Variants in CHST1 observed in about 807,000 individuals in gnomAD.
CHST1 encodes Keratan sulfotransferase.
CHST1 carries 10 observed loss-of-function variants against 22.5 expected under a neutral mutation model. The observed-to-expected ratio is 0.44, with a 90% CI of 0.27 to 0.75. The LOEUF is 0.75. Ranked by LOEUF, CHST1 falls within the 30% of genes least tolerant of loss-of-function variation. CHST1 has a pLI of 0.15. For missense variants in CHST1, 439 were observed against 576.1 expected (o/e 0.76, Z 2.44); for synonymous variants, 267 against 264.5 (o/e 1.01, Z -0.09).
At chr11:45,662,689 A>G (rs572280459) in intron 1 of CHST1, among the ~76,000 whole-genome samples, 5 of 152,322 alleles carry the variant, frequency 3.3e-5, no homozygotes, top group East Asian at 3.9e-4. Context: ...GACCTTCACA[A>G]CAATGCTATC....
At position 45,650,496 on chromosome 11, in the gene CHST1, G is replaced by C; in HGVS notation, c.428C>G (p.Pro143Arg). ...GATCCTGTCGGTGGTGTGGTTGACC[G>C]GCGGCGGCTTGATGTAGTTCTCCAG... ...YFLENYIKPP[P>R]VNHTTDRIFR... Residue 143 changes from proline to arginine, a missense_variant, in exon 4 of 4, where the codon CCG becomes CGG. Pro to Arg is a moderately radical substitution (Grantham distance 103). Coordinates refer to ENST00000308064, the MANE Select transcript of CHST1 (RefSeq NM_003654.6). 1.9e-6 allele frequency: 3 copies of C among 1,613,676 alleles called. No homozygotes were observed. Among genetic ancestry groups the C allele is most frequent in the South Asian group, 1.1e-5 (1 of 91,080 alleles).
intron 1 of CHST1, among the ~76,000 whole-genome samples, chr11:45,662,181 C>T (rs1852141397): frequency 2.6e-5 from 4 of 152,194 alleles, no homozygotes; most frequent in Admixed American, 6.5e-5. Flanking sequence ...GGGACAGTGG[C>T]CTGCCCCACC....
Position 45,650,928 on chromosome 11 carries a change from G to A in CHST1, c.-5C>T. The A allele has an allele frequency of 2.0e-6, 3 of 1,526,414 alleles. No individual in the cohort carries two copies. Among genetic ancestry groups the A allele is most frequent in the Non-Finnish European group, 2.6e-6 (3 of 1,137,942 alleles). The allele number at this position is 1,526,414 out of a possible 1,614,324, so 94.6% of individuals were successfully genotyped here. A position where few individuals can be genotyped will look rare whatever the true frequency, so the allele number is the denominator to read the frequency against. On this transcript the variant is annotated 5_prime_UTR_variant, in exon 4 of 4. Transcript: ENST00000308064. ...GGCCTTCCAGGAACATTGCATGGCT[G>A]GGCACCTTCATGGGGCTGCTTCTCC... is the stretch of plus-strand genomic sequence containing the variant.
At chr11:45,662,622 G>C (rs1441776557) in intron 1 of CHST1, among the ~76,000 whole-genome samples, 1 of 152,204 alleles carries the variant, frequency 6.6e-6, no homozygotes, top group African/African-American at 2.4e-5. Context: ...TAGGAATGAT[G>C]CTTTGGAACA....
intron 1 of CHST1, among the ~76,000 whole-genome samples, chr11:45,664,878 TC>T (rs1852178082): frequency 6.6e-6 from 1 of 152,108 alleles, no homozygotes; most frequent in Non-Finnish European, 1.5e-5. Context: ...CTGAGTGCGC[TC>T]CGCAGCGGAG....
At chr11:45,656,979 C>T (rs1852070634) in intron 1 of CHST1, among the ~76,000 whole-genome samples, 1 of 152,144 alleles carries the variant, frequency 6.6e-6, no homozygotes, top group Non-Finnish European at 1.5e-5. Flanking sequence ...CCCTAAAAAA[C>T]TACTGTGAAG....
chr11:45,654,617 T>C (rs1035577298), intron 1 of CHST1, among the ~76,000 whole-genome samples: 3 of 152,216 alleles, frequency 2.0e-5, no homozygotes, highest in African/African-American at 7.2e-5. Context: ...AATGCCCTCA[T>C]CCTCCAAGCC....
At chr11:45,656,442 G>A (rs927462421) in intron 1 of CHST1, among the ~76,000 whole-genome samples, 6 of 152,212 alleles carry the variant, frequency 3.9e-5, no homozygotes, top group Non-Finnish European at 5.9e-5. Context: ...CACCTTTTCA[G>A]ATTTGTTTAA....
At chr11:45,661,972 C>T (rs942889422) in intron 1 of CHST1, among the ~76,000 whole-genome samples, 1 of 152,222 alleles carries the variant, frequency 6.6e-6, no homozygotes, top group Non-Finnish European at 1.5e-5. Flanking sequence ...AACAGATCAG[C>T]AGCTGCTCAG....
At chr11:45,653,751 C>G (rs1852027827) in intron 1 of CHST1, among the ~76,000 whole-genome samples, 2 of 152,178 alleles carry the variant, frequency 1.3e-5, no homozygotes, top group Non-Finnish European at 2.9e-5. Context: ...AGGCACTGTT[C>G]TAGATGCTAT....
Position 45,648,689 on chromosome 11 carries a change from T to TCAAAA in CHST1, c.*994_*998dup, listed in dbSNP as rs1234475252. Among the ~76,000 whole-genome samples the TCAAAA allele has an allele frequency of 1.6e-4, 25 of 152,102 alleles. No individual in the cohort carries two copies. Among genetic ancestry groups the TCAAAA allele is most frequent in the African/African-American group, 3.6e-4 (15 of 41,486 alleles). On this transcript the variant is annotated 3_prime_UTR_variant, in exon 4 of 4. Transcript: ENST00000308064. ...CTGGGTGACAGAGCGAGACTCTGTC[T>TCAAAA]CAAAACAAAACAAAACAAAAACCTA... is the stretch of plus-strand genomic sequence containing the variant.
In CHST1 at chr11:45,650,559, T is replaced by C. The variant is rs1851981672; in HGVS notation, c.365A>G (p.Asp122Gly). 1 of 1,613,652 alleles carries C rather than the reference T, an allele frequency of 6.2e-7. No homozygotes were observed. Among genetic ancestry groups the C allele is most frequent in the Non-Finnish European group, 8.5e-7 (1 of 1,179,968 alleles). ...GCAGTCGTAGAGGCTCCGCAGGAGG[T>C]CGCGGCTGGCGCCTAGCATGACCCG... ...DRRVMLGASRDLLRSLYDCDL... is the reference protein window; with the variant it reads ...DRRVMLGASRGLLRSLYDCDL... Residue 122 changes from aspartate to glycine, a missense_variant, in exon 4 of 4, where the codon GAC (aspartate) becomes GGC (glycine). Asp to Gly is a moderately conservative substitution (Grantham distance 94). Coordinates refer to ENST00000308064, the MANE Select transcript of CHST1 (RefSeq NM_003654.6).
chr11:45,665,068 T>A lies in CHST1; in HGVS notation c.-227+110A>T, dbSNP rs1364754812. 1 of 152,004 alleles carries A rather than the reference T, an allele frequency of 6.6e-6. No individual in the cohort carries two copies. Among genetic ancestry groups the A allele is most frequent in the African/African-American group, 2.4e-5 (1 of 41,384 alleles). 9.4% of individuals were successfully genotyped at this position (152,004 alleles called of 1,614,324 possible). A position where few individuals can be genotyped will look rare whatever the true frequency, so the allele number is the denominator to read the frequency against. On this transcript the variant is annotated intron_variant, in intron 1 of 3. Transcript: ENST00000308064. This position sits in a 1 kb window ranked among gnomAD's most constrained non-coding sequence, Gnocchi z 4.0. ...CACCCCTCCGCTCACCGCCGGTAGC[T>A]GCTGTCCCCGAGCGGAGGGGCGTCT... is the stretch of plus-strand genomic sequence containing the variant.
At chr11:45,659,211 G>A (rs1442509673) in intron 1 of CHST1, among the ~76,000 whole-genome samples, 1 of 152,182 alleles carries the variant, frequency 6.6e-6, no homozygotes, top group Non-Finnish European at 1.5e-5. Context: ...CAGCAAGTGT[G>A]GGAACTTGTT....
In CHST1 at chr11:45,665,030, T is replaced by A. The variant is rs1852180463; in HGVS notation, c.-227+148A>T. On this transcript the variant is annotated intron_variant, in intron 1 of 3. Transcript: ENST00000308064. This position sits in a 1 kb window ranked among gnomAD's most constrained non-coding sequence, Gnocchi z 4.0. The stretch of plus-strand genomic sequence containing the variant: ...CTTCCTGCGCCCAACACGCCGCCGT[T>A]CCTCGCCGCCGCCACCCCTCCGCTC... The A allele has an allele frequency of 6.6e-6, 1 of 152,036 alleles. No homozygotes were observed. The highest frequency in any genetic ancestry group is 1.5e-5 in the Non-Finnish European group (1 of 68,078). The allele number at this position is 152,036 out of a possible 1,614,324, so 9.4% of individuals were successfully genotyped here.
chr11:45,659,635 G>A (rs1852104776), intron 1 of CHST1, among the ~76,000 whole-genome samples: 1 of 152,124 alleles, frequency 6.6e-6, no homozygotes, highest in South Asian at 2.1e-4. Context: ...ATGATCCCAA[G>A]TGGGTGTGGA....
chr11:45,664,570 G>A (rs1849230467), intron 1 of CHST1, among the ~76,000 whole-genome samples: 1 of 152,260 alleles, frequency 6.6e-6, no homozygotes, highest in South Asian at 2.1e-4. Context: ...GGTCCCTGGA[G>A]CCTGGGAGGG....
rs1329510101 is a variant in CHST1 at position 45,649,698 on chromosome 11, G to A, written c.1226C>T (p.Pro409Leu). The change falls in exon 4 of 4, where the codon CCC becomes CTC. Residue 409 changes from proline to leucine, a missense_variant. Pro to Leu is a moderately conservative substitution (Grantham distance 98). Coordinates refer to ENST00000308064, the MANE Select transcript of CHST1 (RefSeq NM_003654.6). ...CCCGCACCGCCCGGGTCACGAGAAG[G>A]GGCGGAAGTCCCGCTCCTCCACCAG... ...VSLVEERDFRPFS is the reference protein window; with the variant it reads ...VSLVEERDFRLFS 6.4e-7 allele frequency: 1 copy of A among 1,573,364 alleles called. No individual in the cohort carries two copies. The highest frequency in any genetic ancestry group is 2.2e-5 in the East Asian group (1 of 44,446).
At position 45,650,008 on chromosome 11, in the gene CHST1, C is replaced by T; in HGVS notation, c.916G>A (p.Ala306Thr). Residue 306 changes from alanine (A) to threonine (T), a missense_variant, in exon 4 of 4, where the codon GCT (alanine) becomes ACT (threonine). Transcript: ENST00000308064. ...TCGGTCTTCTTCATAGGGTTCCGAG[C>T]CAGGTCCTCGTAGCGCACCAACATG... ...KYMLVRYEDL[A>T]RNPMKKTEEI... 1 of 1,613,980 alleles carries T rather than the reference C, an allele frequency of 6.2e-7. No individual in the cohort carries two copies. The highest frequency in any genetic ancestry group is 8.5e-7 in the Non-Finnish European group (1 of 1,179,998).
Sources: allele counts gnomAD v4.1 joint callset (sites outside exome capture counted in the v4.1 genomes callset), GRCh38; gene constraint gnomAD v4.1.1; non-coding constraint Gnocchi (gnomAD v3.1); transcripts MANE v1.5; gene names NCBI Gene and HGNC (gene_info 2026-07-23, HGNC 2026-07-21).